The following GALNT2 variants were observed in gnomAD, a reference collection of about 807,000 sequenced individuals.
GALNT2 encodes the protein polypeptide N-acetylgalactosaminyltransferase 2.
Under a neutral mutation model 81.4 loss-of-function variants are expected in GALNT2, and 31 were observed. The ratio of observed to expected loss-of-function variants is 0.38; its 90% CI spans 0.29 to 0.51. GALNT2 has a LOEUF of 0.51. Among genes scored for constraint, GALNT2 ranks in the 20% least tolerant of loss-of-function variants. The pLI, the probability that GALNT2 is intolerant of heterozygous loss-of-function variation, is 0.87. For missense variants in GALNT2, 629 were observed against 765.7 expected, an observed-to-expected ratio of 0.82 and a Z score of 2.11; for synonymous variants, 303 against 287.4, an observed-to-expected ratio of 1.05 and a Z score of -0.55.
At chr1:230,064,380 T>C (rs1416669767), upstream of GALNT2, among the ~76,000 whole-genome samples, 1 of 152,238 alleles carries the variant, frequency 6.6e-6, no homozygotes, top group East Asian at 1.9e-4. Context: ...CTCAGCTGTC[T>C]CTTGGTTGGA....
At chr1:230,134,203 G>A (rs1661463703) in intron 1 of GALNT2, among the ~76,000 whole-genome samples, 1 of 151,176 alleles carries the variant, frequency 6.6e-6, no homozygotes, top group Non-Finnish European at 1.5e-5. Flanking sequence ...CTGCCTCCCG[G>A]GTTCACGCCA....
intron 14 of GALNT2, among the ~76,000 whole-genome samples, chr1:230,267,286 C>A (rs1417688628): frequency 6.6e-6 from 1 of 152,224 alleles, no homozygotes; most frequent in East Asian, 1.9e-4. Context: ...AGAAGGCAAA[C>A]AAAGCAATCC....
intron 1 of GALNT2, among the ~76,000 whole-genome samples, chr1:230,128,239 A>G (rs1391943969): frequency 7.3e-6 from 1 of 137,498 alleles, no homozygotes; most frequent in Non-Finnish European, 1.6e-5. Flanking sequence ...GTACTTCTAA[A>G]TGCAAGTGCG....
At chr1:230,122,313 C>T (rs1558094228) in intron 1 of GALNT2, among the ~76,000 whole-genome samples, 1 of 152,136 alleles carries the variant, frequency 6.6e-6, no homozygotes, top group Non-Finnish European at 1.5e-5. Flanking sequence ...ATCGCTTTCC[C>T]TTGAAAGAAT....
intron 1 of GALNT2, among the ~76,000 whole-genome samples, chr1:230,161,933 T>C (rs995711491): frequency 6.6e-6 from 1 of 152,216 alleles, no homozygotes; most frequent in Middle Eastern, 3.2e-3. Context: ...CCATTTCTTT[T>C]GTGTTTCTAT....
At chr1:230,175,972 T>C (rs1220160951) in intron 1 of GALNT2, among the ~76,000 whole-genome samples, 2 of 152,130 alleles carry the variant, frequency 1.3e-5, no homozygotes, top group African/African-American at 2.4e-5. Context: ...TGTGTCCTCA[T>C]TGTAAGACAG....
chr1:230,202,030 A>G (rs1663908850), intron 2 of GALNT2, among the ~76,000 whole-genome samples: 1 of 152,026 alleles, frequency 6.6e-6, no homozygotes, highest in Non-Finnish European at 1.5e-5. Flanking sequence ...TTAGTTTGTC[A>G]TATCTATGAA....
chr1:230,194,816 G>GC (rs769560318), intron 2 of GALNT2, among the ~76,000 whole-genome samples: 1 of 152,226 alleles, frequency 6.6e-6, no homozygotes. Flanking sequence ...TCCGGGCTGG[G>GC]CCCCCATCCA....
Position 230,138,030 on chromosome 1 carries a change from A to C in GALNT2, c.127-40188A>C, listed in dbSNP as rs550850983. ...CTTGGAATTTGTTCAGTGATGACTT[A>C]ATAGAAAAAACACCTTGCATGTCGT... On this transcript the variant is annotated intron_variant, in intron 1 of 15. Transcript: ENST00000366672. Among the ~76,000 whole-genome samples, 21 of 152,292 alleles carry C rather than the reference A, an allele frequency of 1.4e-4. No homozygotes were observed. The South Asian group carries it at 4.1e-3, about 30-fold the overall frequency.
intron 1 of GALNT2, among the ~76,000 whole-genome samples, chr1:230,145,264 ATT>A (rs1278017069): frequency 6.6e-6 from 1 of 152,048 alleles, no homozygotes; most frequent in Non-Finnish European, 1.5e-5. Flanking sequence ...CCGAATCTGA[ATT>A]TCTCAGTGAG....
intron 3 of GALNT2, among the ~76,000 whole-genome samples, chr1:230,232,908 T>TC (rs1192230442): frequency 1.3e-5 from 2 of 152,042 alleles, no homozygotes; most frequent in African/African-American, 4.8e-5. Context: ...GTGAACAGTT[T>TC]CCCCCCAAAA....
chr1:230,092,484 C>T (rs1322929203), intron 1 of GALNT2, among the ~76,000 whole-genome samples: 3 of 151,866 alleles, frequency 2.0e-5, no homozygotes, highest in Non-Finnish European at 4.4e-5. Flanking sequence ...GCTGGGATTA[C>T]AGGCACGCGC....
intron 3 of GALNT2, among the ~76,000 whole-genome samples, chr1:230,219,980 A>C (rs1036838946): frequency 4.6e-5 from 7 of 152,190 alleles, no homozygotes; most frequent in Non-Finnish European, 5.9e-5. Context: ...TGGGACAGAG[A>C]CTATCTGTAA....
At chr1:230,217,722 G>A (rs1213125798) in intron 3 of GALNT2, among the ~76,000 whole-genome samples, 1 of 152,178 alleles carries the variant, frequency 6.6e-6, no homozygotes, top group Non-Finnish European at 1.5e-5. Flanking sequence ...AAGAACAGTG[G>A]ATCTTCCAGA....
rs78938043 is a variant in GALNT2 at position 230,166,230 on chromosome 1, A to T, written c.127-11988A>T. ...AGCTGCTGAACCTTGAGCAAAGAAA[A>T]TGTTAATGAGAAAATGTACATTTTA... is the stretch of plus-strand genomic sequence containing the variant. On this transcript the variant is annotated intron_variant, in intron 1 of 15. Coordinates refer to ENST00000366672, the MANE Select transcript of GALNT2 (RefSeq NM_004481.5). Among the ~76,000 whole-genome samples the T allele has an allele frequency of 5.8e-4, 88 of 152,370 alleles. 1 individual carries two copies. In the East Asian group the frequency reaches 0.016, roughly 27 times the overall value.
chr1:230,251,500 A>T (rs535848072), intron 10 of GALNT2, among the ~76,000 whole-genome samples: 1 of 152,266 alleles, frequency 6.6e-6, no homozygotes, highest in East Asian at 1.9e-4. Flanking sequence ...CCTTGGTTTG[A>T]TGTTGAAAGC....
intron 14 of GALNT2, chr1:230,268,227 C>T (rs1045386460): frequency 1.3e-5 from 2 of 152,158 alleles, no homozygotes; most frequent in African/African-American, 2.4e-5. Flanking sequence ...AAGGCTTGGT[C>T]GATCACACAG....
At chr1:230,268,431 C>G (rs1179774082) in intron 14 of GALNT2, 1 of 152,266 alleles carries the variant, frequency 6.6e-6, no homozygotes, top group Non-Finnish European at 1.5e-5. Flanking sequence ...CACTGTCACT[C>G]TGCAGTGTTC....
rs564051521 is a variant in GALNT2, at chr1:230,202,633, A to C, written c.221-504A>C. On this transcript the variant is annotated intron_variant, in intron 2 of 15. Transcript: ENST00000366672. Reference sequence around the variant, plus strand: ...TAACAGCTGCAAAAAGGACCCCTTGACAAGGTCTCACCAAAGGGTATTTTG... The same window carrying C: ...TAACAGCTGCAAAAAGGACCCCTTGCCAAGGTCTCACCAAAGGGTATTTTG... Among the ~76,000 whole-genome samples the C allele has an allele frequency of 3.9e-5, 6 of 152,356 alleles. No homozygotes were observed. In the South Asian group the frequency reaches 6.2e-4, roughly 16 times the overall value.
Sources: gnomAD v4.1 joint callset for allele counts (sites outside exome capture counted in the v4.1 genomes callset) on GRCh38, gnomAD v4.1.1 for gene constraint, MANE v1.5 for transcripts, NCBI Gene and HGNC (gene_info 2026-07-23, HGNC 2026-07-21) for gene names.